The following GABRR1 variants were observed in gnomAD, a reference collection of about 807,000 sequenced individuals.
GABRR1 encodes gamma-aminobutyric acid type A receptor subunit rho1, also known as gamma-aminobutyric acid receptor subunit rho-1.
In GABRR1, 59 loss-of-function variants were observed where a neutral mutation model predicts 55.5. The observed-to-expected ratio is 1.06, with a 90% confidence interval of 0.86 to 1.32. The LOEUF (loss-of-function observed/expected upper bound fraction) is 1.32. Among genes scored for constraint, GABRR1 ranks in the 40% most tolerant of loss-of-function variants. The pLI, the probability that GABRR1 is intolerant of heterozygous loss-of-function variation, is 0.00. For missense variants in GABRR1, 602 were observed against 619.1 expected (o/e 0.97, Z 0.29); for synonymous variants, 213 against 226.0 (o/e 0.94, Z 0.51).
At chr6:89,219,406 A>T (rs139105568), upstream of GABRR1, among the ~76,000 whole-genome samples, 2 of 152,244 alleles carry the variant, frequency 1.3e-5, no homozygotes, top group African/African-American at 4.8e-5. Context: ...CAAAGGAGGC[A>T]TCTATGATGC....
chr6:89,218,240 C>T (rs1773047264), upstream of GABRR1, among the ~76,000 whole-genome samples: 1 of 152,118 alleles, frequency 6.6e-6, no homozygotes. Flanking sequence ...TACCGGTAAA[C>T]TGAGTCAGGA....
At chr6:89,200,351 C>G (rs778264967) in intron 3 of GABRR1, among the ~76,000 whole-genome samples, 3 of 143,446 alleles carry the variant, frequency 2.1e-5, no homozygotes, top group African/African-American at 5.2e-5. Flanking sequence ...TGGGGTCAAG[C>G]AATTCTCCTG....
intron 1 of GABRR1, among the ~76,000 whole-genome samples, chr6:89,214,644 G>A (rs567487287): frequency 2.6e-5 from 4 of 152,080 alleles, no homozygotes; most frequent in Admixed American, 6.5e-5. Flanking sequence ...ACAGATATAC[G>A]AAAAAATGCT....
chr6:89,189,420 C>T (rs1234323877), intron 6 of GABRR1, among the ~76,000 whole-genome samples: 1 of 139,554 alleles, frequency 7.2e-6, no homozygotes, highest in Non-Finnish European at 1.5e-5. Flanking sequence ...AACAAAAAAC[C>T]AAACACCGCA....
Position 89,224,101 on chromosome 6 carries a change from G to T in GABRR1, c.-410-2655C>A, listed in dbSNP as rs58715559. 5.5e-3 allele frequency among the ~76,000 whole-genome samples: 799 copies of T among 146,018 alleles called. 10 individuals are homozygous for T. The highest frequency in any genetic ancestry group is 0.019 in the African/African-American group (768 of 39,434). The stretch of plus-strand genomic sequence containing the variant: ...TGTTTGTTTTGTTCTGTTTTGTTTT[G>T]TTTTTTGAGATGGAGTCTTACTCTG... On this transcript the variant is annotated intron_variant, in intron 1 of 11. Coordinates refer to the GABRR1 transcript ENST00000369451.
chr6:89,222,824 AG>A (rs1319085672), intron 1 of GABRR1, among the ~76,000 whole-genome samples: 5 of 152,174 alleles, frequency 3.3e-5, no homozygotes, highest in African/African-American at 1.2e-4. Flanking sequence ...AATTAGCTTG[AG>A]TTAAATTTTT....
upstream of GABRR1, among the ~76,000 whole-genome samples, chr6:89,219,983 T>A (rs1001081184): frequency 2.0e-5 from 3 of 152,188 alleles, no homozygotes; most frequent in African/African-American, 7.2e-5. Context: ...ATATGTGATG[T>A]CTCCCGAGGT....
chr6:89,225,954 A>G (rs1321415196), intron 1 of GABRR1, among the ~76,000 whole-genome samples: 4 of 149,492 alleles, frequency 2.7e-5, no homozygotes. Context: ...AATGATTGCC[A>G]TTCTAACTGG....
intron 1 of GABRR1, among the ~76,000 whole-genome samples, chr6:89,207,155 T>C (rs756320423): frequency 1.7e-4 from 26 of 152,172 alleles, no homozygotes; most frequent in Non-Finnish European, 3.4e-4. Flanking sequence ...GAAGGAAATA[T>C]ACCACTTGGA....
upstream of GABRR1, chr6:89,221,308 A>G (rs1332266723): frequency 1.3e-5 from 2 of 152,244 alleles, no homozygotes; most frequent in East Asian, 3.9e-4. Context: ...AGCACACCCC[A>G]GCTGCTCCCA....
rs1772394245 is a variant in GABRR1 at position 89,199,365 on chromosome 6, G to A, written c.345C>T (p.Asp115=). ...VESLDSISEV[D]MDFTMTLYLR... ...CCCTGGTCAGAGAAGCACTTACCATGTCAACCTCTGAGATGCTATCCAAAC... is the reference window on the plus strand; with the variant it reads ...CCCTGGTCAGAGAAGCACTTACCATATCAACCTCTGAGATGCTATCCAAAC... The change falls in exon 4 of 10, where the codon GAC becomes GAT. Residue 115 remains aspartate (D), a synonymous_variant. Coordinates refer to ENST00000454853, the MANE Select transcript of GABRR1 (RefSeq NM_002042.5). 9.9e-6 allele frequency: 16 copies of A among 1,613,814 alleles called. No individual in the cohort carries two copies. The highest frequency in any genetic ancestry group is 1.4e-5 in the Non-Finnish European group (16 of 1,179,792).
intron 5 of GABRR1, among the ~76,000 whole-genome samples, chr6:89,197,173 A>G (rs1772321755): frequency 1.3e-5 from 2 of 152,228 alleles, no homozygotes; most frequent in Admixed American, 6.5e-5. Flanking sequence ...CTCTGACTCC[A>G]TAGGTTTATA....
chr6:89,190,260 A>T lies in GABRR1; in HGVS notation c.573-13T>A. ...AGTTACTGTAACCCTAGGGCCAAAA[A>T]GACAAAATTGATTTATTCAGAGCCT... is the stretch of plus-strand genomic sequence containing the variant. On this transcript the variant is annotated splice_polypyrimidine_tract_variant and intron_variant, in intron 5 of 9. Transcript: ENST00000454853. The T allele has an allele frequency of 6.3e-7, 1 of 1,592,394 alleles. No individual in the cohort carries two copies. Among genetic ancestry groups the T allele is most frequent in the Non-Finnish European group, 8.6e-7 (1 of 1,169,122 alleles).
At position 89,225,450 on chromosome 6, in the gene GABRR1, T is replaced by G. The variant is rs369812907; in HGVS notation, c.-410-4004A>C. Among the ~76,000 whole-genome samples the G allele has an allele frequency of 8.4e-5, 11 of 131,066 alleles. No homozygotes were observed. The East Asian group carries it at 1.8e-3, about 22-fold the overall frequency. 86.0% of individuals were successfully genotyped at this position (131,066 alleles called of 152,430 possible). A position where few individuals can be genotyped will look rare whatever the true frequency, so the allele number is the denominator to read the frequency against. On this transcript the variant is annotated intron_variant, in intron 1 of 11. Coordinates refer to the GABRR1 transcript ENST00000369451. ...CCACCACAGTCCCCAGAGTGTGATA[T>G]TCCCCTTCCTGTGTCCCTGTGATCT... is the stretch of plus-strand genomic sequence containing the variant.
intron 6 of GABRR1, 127 bp downstream of exon 6, chr6:89,190,038 T>TC: frequency 1.8e-6 from 1 of 542,118 alleles, no homozygotes; most frequent in Non-Finnish European, 3.1e-6. Context: ...AGTGTGAGAC[T>TC]CCATCTCAAA....
intron 1 of GABRR1, among the ~76,000 whole-genome samples, chr6:89,209,850 G>A (rs1772769331): frequency 6.6e-6 from 1 of 152,112 alleles, no homozygotes; most frequent in African/African-American, 2.4e-5. Context: ...TATAAGATGG[G>A]GGGAATAATA....
At chr6:89,220,562 C>T (rs1451013799), upstream of GABRR1, among the ~76,000 whole-genome samples, 1 of 152,168 alleles carries the variant, frequency 6.6e-6, no homozygotes, top group Admixed American at 6.6e-5. Context: ...ACTAACACCA[C>T]GTGGCTCTAA....
At chr6:89,185,843 C>T (rs1771884989) in intron 6 of GABRR1, among the ~76,000 whole-genome samples, 1 of 152,150 alleles carries the variant, frequency 6.6e-6, no homozygotes, top group Admixed American at 6.5e-5. Flanking sequence ...TTCCTTTCTT[C>T]TTTCAAAGTG....
In GABRR1 at chr6:89,182,050, G is replaced by T. The variant is rs1771744934; in HGVS notation, c.804C>A (p.Tyr268Ter). ...ACGTGAAATTAATGTAGAGACGGTT[G>T]TACCAGCCTGGGGGACACAGGAATA... ...KLAFYSSTGW[Y>*]NRLYINFTLR... The change falls in exon 8 of 10, where the codon TAC (tyrosine) becomes TAA (stop). Residue 268 changes from tyrosine to a stop codon, truncating the protein, a stop_gained. Coordinates refer to ENST00000454853, the MANE Select transcript of GABRR1 (RefSeq NM_002042.5). LOFTEE classifies it high-confidence loss of function. The T allele has an allele frequency of 6.2e-7, 1 of 1,614,030 alleles. No homozygotes were observed. Among genetic ancestry groups the T allele is most frequent in the Non-Finnish European group, 8.5e-7 (1 of 1,179,982 alleles).
Sources: allele counts gnomAD v4.1 joint callset (sites outside exome capture counted in the v4.1 genomes callset), GRCh38; gene constraint gnomAD v4.1.1; transcripts MANE v1.5; gene names NCBI Gene and HGNC (gene_info 2026-07-23, HGNC 2026-07-21).